The following SNX29 variants were observed in gnomAD, a reference collection of about 807,000 sequenced individuals.
SNX29 encodes the protein sorting nexin 29.
A neutral mutation model predicts 102.1 loss-of-function variants in SNX29; 78 were observed. The ratio of observed to expected loss-of-function variants is 0.76; its 90% CI spans 0.64 to 0.92. The LOEUF (loss-of-function observed/expected upper bound fraction) is 0.92. Ranked by LOEUF, SNX29 falls within the 40% of genes least tolerant of loss-of-function variation. The pLI, the probability that SNX29 is intolerant of heterozygous loss-of-function variation, is 0.00. For missense variants in SNX29, 1,280 were observed against 1,061.7 expected (o/e 1.21, Z -2.86); for synonymous variants, 580 against 414.5 (o/e 1.40, Z -4.85).
chr16:12,285,554 C>T (rs2079568564), intron 15 of SNX29, among the ~76,000 whole-genome samples: 2 of 151,520 alleles, frequency 1.3e-5, no homozygotes, highest in African/African-American at 2.4e-5. Flanking sequence ...GTAAAAAATA[C>T]ACTCATAATC....
At chr16:12,345,508 C>A (rs2081769494) in intron 15 of SNX29, among the ~76,000 whole-genome samples, 1 of 152,190 alleles carries the variant, frequency 6.6e-6, no homozygotes, top group African/African-American at 2.4e-5. Context: ...GGGTCTGTGG[C>A]CAGTTGGAGC....
chr16:12,402,629 GA>G (rs768370431), intron 17 of SNX29, among the ~76,000 whole-genome samples: 49 of 152,338 alleles, frequency 3.2e-4, no homozygotes, highest in Non-Finnish European at 4.4e-4. Context: ...AGTCATCACA[GA>G]AGACAAAACA....
chr16:12,331,642 C>T (rs545476297), intron 15 of SNX29, among the ~76,000 whole-genome samples: 15 of 152,214 alleles, frequency 9.9e-5, no homozygotes, highest in Non-Finnish European at 1.6e-4. Context: ...GCCTCTGCCT[C>T]CTGGGTTCAT....
intron 13 of SNX29, among the ~76,000 whole-genome samples, chr16:12,170,772 AGT>A (rs34565040): frequency 9.3e-5 from 14 of 150,014 alleles, no homozygotes; most frequent in East Asian, 6.0e-4. Context: ...GAGGAGTGTG[AGT>A]GTGTGTGTGA....
intron 19 of SNX29, among the ~76,000 whole-genome samples, chr16:12,481,554 A>ACACC (rs1555549559): frequency 0.016 from 1,857 of 117,584 alleles, 25 homozygotes; most frequent in East Asian, 0.041. Flanking sequence ...ACACACACAC[A>ACACC]CCCCAAATGT....
Position 12,574,258 on chromosome 16 carries a change from G to T in SNX29, c.*5629G>T, listed in dbSNP as rs1598147867. On this transcript the variant is annotated 3_prime_UTR_variant, in exon 21 of 21. Transcript: ENST00000566228. ...CAACCTCTTTACAATGACACAAATT[G>T]TGACATTTTATAAATTAGATACTTC... 5.7e-6 allele frequency: 1 copy of T among 175,290 alleles called. No homozygotes were observed. Among genetic ancestry groups the T allele is most frequent in the African/African-American group, 2.4e-5 (1 of 42,148 alleles). The allele number at this position is 175,290 out of a possible 1,614,324, so 10.9% of individuals were successfully genotyped here. A position where few individuals can be genotyped will look rare whatever the true frequency, so the allele number is the denominator to read the frequency against.
chr16:12,319,895 A>T (rs1171617529), intron 15 of SNX29, among the ~76,000 whole-genome samples: 1 of 152,210 alleles, frequency 6.6e-6, no homozygotes, highest in Non-Finnish European at 1.5e-5. Flanking sequence ...GGGCTCAGCC[A>T]TAATTAGTTC....
rs1297938560 is a variant in SNX29 at position 12,526,810 on chromosome 16, T to C, written c.2318+1969T>C. ...CCCTGCGGGGTCCACAGCCCAGGCATCTCCGGTCCAGTGTTTCCCAAACAT... is the reference window on the plus strand; with the variant it reads ...CCCTGCGGGGTCCACAGCCCAGGCACCTCCGGTCCAGTGTTTCCCAAACAT... On this transcript the variant is annotated intron_variant, in intron 20 of 20. Coordinates refer to ENST00000566228, the MANE Select transcript of SNX29 (RefSeq NM_032167.5). 27 of 403,010 alleles carry C rather than the reference T, an allele frequency of 6.7e-5. No homozygotes were observed. In the East Asian group the frequency reaches 1.0e-3, roughly 15 times the overall value. 25.0% of individuals were successfully genotyped at this position (403,010 alleles called of 1,614,324 possible).
intron 14 of SNX29, among the ~76,000 whole-genome samples, chr16:12,242,531 T>C (rs920476340): frequency 6.6e-6 from 1 of 150,804 alleles, no homozygotes; most frequent in Non-Finnish European, 1.5e-5. Context: ...AGAGCATCCC[T>C]CCCAGGGGTT....
chr16:12,437,146 A>T (rs1405984669), intron 18 of SNX29, among the ~76,000 whole-genome samples: 1 of 152,250 alleles, frequency 6.6e-6, no homozygotes, highest in Non-Finnish European at 1.5e-5. Context: ...TAAAACTGTT[A>T]CTGAAATCCT....
In SNX29 at chr16:12,034,874, G is replaced by A. The variant is rs192469230; in HGVS notation, c.247+7430G>A. 5.7e-3 allele frequency among the ~76,000 whole-genome samples: 864 copies of A among 152,262 alleles called. 10 individuals carry two copies. The highest frequency in any genetic ancestry group is 0.02 in the African/African-American group (823 of 41,556). ...AAAAATACAAAAATTAGCTGGGCAT[G>A]GTGGTAGGCACCTGTAATTCCAGCT... On this transcript the variant is annotated intron_variant, in intron 4 of 20. Transcript: ENST00000566228.
intron 18 of SNX29, among the ~76,000 whole-genome samples, chr16:12,419,785 C>G (rs996828720): frequency 6.6e-6 from 1 of 152,250 alleles, no homozygotes; most frequent in Non-Finnish European, 1.5e-5. Flanking sequence ...CACGTGTCTG[C>G]TGACCCCAGT....
intron 20 of SNX29, among the ~76,000 whole-genome samples, chr16:12,559,986 A>G (rs189459959): frequency 8.5e-4 from 129 of 152,358 alleles, no homozygotes; most frequent in Non-Finnish European, 1.4e-3. Flanking sequence ...CACGAAAAAA[A>G]GATTTTGCAA....
At chr16:12,152,416 G>C (rs74484387) in intron 13 of SNX29, among the ~76,000 whole-genome samples, 27,917 of 152,128 alleles carry the variant, frequency 0.18, 2,941 homozygotes, top group Non-Finnish European at 0.24. Flanking sequence ...TTTGGCCTCA[G>C]ATGGGCATGT....
intron 13 of SNX29, among the ~76,000 whole-genome samples, chr16:12,179,901 C>T (rs1458759358): frequency 1.4e-5 from 2 of 147,916 alleles, no homozygotes; most frequent in Non-Finnish European, 3.0e-5. Context: ...CCCAAAGGAA[C>T]TCTTCTTTCT....
At chr16:12,182,120 C>T (rs938900464) in intron 13 of SNX29, among the ~76,000 whole-genome samples, 2 of 150,710 alleles carry the variant, frequency 1.3e-5, no homozygotes, top group African/African-American at 4.9e-5. Flanking sequence ...CTCCTGACCT[C>T]AGGTGACCTA....
At position 12,476,376 on chromosome 16, in the gene SNX29, A is replaced by T. The variant is rs1161806582; in HGVS notation, c.2038-1343A>T. Among the ~76,000 whole-genome samples, 131 of 33,678 alleles carry T rather than the reference A, an allele frequency of 3.9e-3. 1 individual carries two copies. The highest frequency in any genetic ancestry group is 6.1e-3 in the Non-Finnish European group (117 of 19,274). The allele number at this position is 33,678 out of a possible 152,430, so 22.1% of individuals were successfully genotyped here. A position where few individuals can be genotyped will look rare whatever the true frequency, so the allele number is the denominator to read the frequency against. On this transcript the variant is annotated intron_variant, in intron 18 of 20. Transcript: ENST00000566228. The stretch of plus-strand genomic sequence containing the variant: ...CAAAAAAAAAAAAAAAAAAAAAAAA[A>T]AAAAAAAATATATATATATATATAT...
At chr16:12,532,098 G>A (rs186074778) in intron 20 of SNX29, among the ~76,000 whole-genome samples, 40 of 152,342 alleles carry the variant, frequency 2.6e-4, no homozygotes, top group Middle Eastern at 3.4e-3. Context: ...TGGGAGAGAC[G>A]TGGTCACGAT....
At chr16:12,191,254 A>G (rs2076635494) in intron 13 of SNX29, among the ~76,000 whole-genome samples, 1 of 152,096 alleles carries the variant, frequency 6.6e-6, no homozygotes, top group Admixed American at 6.5e-5. Context: ...CCGCTCACTC[A>G]CCGCTCCATC....
Sources: gnomAD v4.1 joint callset for allele counts (sites outside exome capture counted in the v4.1 genomes callset) on GRCh38, gnomAD v4.1.1 for gene constraint, MANE v1.5 for transcripts, NCBI Gene and HGNC (gene_info 2026-07-23, HGNC 2026-07-21) for gene names.